MYO5B: variants seen among roughly 807,000 people sequenced by gnomAD.
MYO5B encodes the protein myosin VB.
In MYO5B, 143 loss-of-function variants were observed where a neutral mutation model predicts 229.3. That is an observed-to-expected ratio of 0.62 (90% confidence interval 0.54 to 0.72). MYO5B has a LOEUF of 0.72. MYO5B is among the 30% of genes least tolerant of loss of function. The probability of loss-of-function intolerance (pLI) is 0.00; values close to 1 mark genes in which losing one functional copy is unlikely to be tolerated. For missense variants in MYO5B, 2,321 were observed against 2,331.0 expected (o/e 1.00, Z 0.09); for synonymous variants, 918 against 885.2 (o/e 1.04, Z -0.66).
At chr18:49,846,229 A>G (rs2024124178) in intron 33 of MYO5B, among the ~76,000 whole-genome samples, 1 of 152,182 alleles carries the variant, frequency 6.6e-6, no homozygotes, top group African/African-American at 2.4e-5. Flanking sequence ...GAAGCTCAGC[A>G]TTCCTCACTT....
intron 2 of MYO5B, among the ~76,000 whole-genome samples, chr18:50,042,695 C>T (rs56324224): frequency 0.027 from 4,109 of 152,222 alleles, 73 homozygotes; most frequent in Non-Finnish European, 0.042. Flanking sequence ...TCTAATCAGA[C>T]CTCCCTCCCC....
chr18:49,945,473 G>A (rs1157067856), intron 14 of MYO5B, among the ~76,000 whole-genome samples: 1 of 150,772 alleles, frequency 6.6e-6, no homozygotes, highest in African/African-American at 2.4e-5. Context: ...TCATTAATCT[G>A]GAGCTGGAGC....
At chr18:50,100,988 G>A (rs61138413) in intron 1 of MYO5B, among the ~76,000 whole-genome samples, 6,496 of 152,222 alleles carry the variant, frequency 0.043, 148 homozygotes, top group African/African-American at 0.053. Flanking sequence ...CCACAGGTCC[G>A]GGGAAGGGAA....
At chr18:50,147,136 T>C (rs1244091522) in intron 1 of MYO5B, among the ~76,000 whole-genome samples, 3 of 152,180 alleles carry the variant, frequency 2.0e-5, no homozygotes, top group South Asian at 4.1e-4. Context: ...TAGAACAGTA[T>C]GTCCAAAAGC....
chr18:49,973,786 C>T (rs977896227), intron 10 of MYO5B, among the ~76,000 whole-genome samples: 1 of 152,046 alleles, frequency 6.6e-6, no homozygotes, highest in African/African-American at 2.4e-5. Flanking sequence ...CTCTCCCTGC[C>T]AAAAATAAAG....
chr18:50,142,007 G>T (rs959363833), intron 1 of MYO5B, among the ~76,000 whole-genome samples: 1 of 152,186 alleles, frequency 6.6e-6, no homozygotes, highest in Non-Finnish European at 1.5e-5. Context: ...ATTGCTTCTA[G>T]GACCAATGAG....
At chr18:49,892,935 T>C (rs2024732141) in intron 22 of MYO5B, among the ~76,000 whole-genome samples, 1 of 152,218 alleles carries the variant, frequency 6.6e-6, no homozygotes, top group Non-Finnish European at 1.5e-5. Context: ...AATTTTTTGT[T>C]ACCAATTCCA....
chr18:49,863,359 G>A, intron 28 of MYO5B, 32 bp from the exon 29 acceptor site: 1 of 1,588,420 alleles, frequency 6.3e-7, no homozygotes, highest in Non-Finnish European at 8.6e-7. Context: ...AATAACTCTG[G>A]TTAAACAATT....
intron 32 of MYO5B, 126 bp downstream of exon 32, chr18:49,849,441 G>A: frequency 1.2e-6 from 1 of 805,834 alleles, no homozygotes; most frequent in African/African-American, 1.7e-5. Flanking sequence ...TGGCTGGACT[G>A]GGCAGAGCCA....
At chr18:49,994,442 C>T (rs1441206565) in intron 5 of MYO5B, among the ~76,000 whole-genome samples, 1 of 152,206 alleles carries the variant, frequency 6.6e-6, no homozygotes. Flanking sequence ...ACAATATACA[C>T]TTTTACTTTA....
chr18:49,982,909 G>A (rs2025831429), intron 8 of MYO5B, among the ~76,000 whole-genome samples: 1 of 146,604 alleles, frequency 6.8e-6, no homozygotes, highest in South Asian at 2.1e-4. Context: ...TGTCCTTAGA[G>A]CCTTGGAGGG....
intron 1 of MYO5B, among the ~76,000 whole-genome samples, chr18:50,119,830 T>G (rs1479809287): frequency 6.6e-6 from 1 of 152,076 alleles, no homozygotes; most frequent in Admixed American, 6.5e-5. Flanking sequence ...AAGGTCTTGC[T>G]GAAAAAGGAA....
chr18:50,023,213 C>T (rs1050761360), intron 4 of MYO5B, among the ~76,000 whole-genome samples: 3 of 151,650 alleles, frequency 2.0e-5, no homozygotes, highest in Non-Finnish European at 4.4e-5. Flanking sequence ...AAGAACATTG[C>T]GTCATCAGCC....
At chr18:50,153,814 C>T (rs182329922) in intron 1 of MYO5B, among the ~76,000 whole-genome samples, 4 of 152,032 alleles carry the variant, frequency 2.6e-5, no homozygotes, top group African/African-American at 7.2e-5. Context: ...AGTGAGTGAG[C>T]GAGCGGGGAT....
intron 4 of MYO5B, among the ~76,000 whole-genome samples, chr18:50,012,955 G>A (rs543384755): frequency 6.6e-5 from 10 of 152,194 alleles, no homozygotes; most frequent in South Asian, 2.1e-4. Context: ...TCAACCTCAC[G>A]GCTTAGCAGA....
chr18:50,033,018 G>T (rs922893800), intron 4 of MYO5B, among the ~76,000 whole-genome samples: 12 of 151,920 alleles, frequency 7.9e-5, no homozygotes, highest in African/African-American at 2.7e-4. Context: ...ATTTCTCTTG[G>T]GTGCATACCT....
intron 14 of MYO5B, among the ~76,000 whole-genome samples, chr18:49,942,538 T>C (rs1304263915): frequency 6.6e-6 from 1 of 151,564 alleles, no homozygotes; most frequent in Admixed American, 6.6e-5. Context: ...AACAACCCCA[T>C]CAAAAAGTGG....
intron 39 of MYO5B, among the ~76,000 whole-genome samples, chr18:49,828,631 C>G (rs57922742): frequency 0.074 from 11,278 of 152,122 alleles, 915 homozygotes; most frequent in East Asian, 0.29. Context: ...ACATTCTTCT[C>G]AATGCATATG....
In MYO5B at chr18:49,902,754, C is replaced by T. The variant is rs375546772; in HGVS notation, c.2651G>A (p.Arg884Gln). ...ACACTGGATGACAATGGCTGCATCC[C>T]GCAGCCGCTGGAAGTGCCTGCGTGC... is the stretch of plus-strand genomic sequence containing the variant. ...WMARRHFQRL[R>Q]DAAIVIQCAF... The change falls in exon 21 of 40, where the codon CGG (arginine) becomes CAG (glutamine). Residue 884 changes from arginine (R) to glutamine (Q), a missense_variant. Arg to Gln is a conservative substitution (Grantham distance 43). Around this residue, in one of 2 missense-constraint regions of MYO5B, gnomAD observed 2,113 missense variants for 2,044.7 expected, o/e 1.03. Coordinates refer to ENST00000285039, the MANE Select transcript of MYO5B (RefSeq NM_001080467.3). 9.3e-6 allele frequency: 15 copies of T among 1,607,292 alleles called. No homozygotes were observed. The highest frequency in any genetic ancestry group is 1.2e-5 in the Non-Finnish European group (14 of 1,179,990).
Sources: gnomAD v4.1 joint callset for allele counts (sites outside exome capture counted in the v4.1 genomes callset) on GRCh38, gnomAD v4.1.1 for gene constraint, gnomAD v4.1.1 regional missense constraint, MANE v1.5 for transcripts, NCBI Gene and HGNC (gene_info 2026-07-23, HGNC 2026-07-21) for gene names.